Variants in ELP1 observed in about 807,000 individuals in gnomAD.
ELP1 encodes the protein elongator complex protein 1.
ELP1 carries 131 observed loss-of-function variants against 183.2 expected under a neutral mutation model. The observed-to-expected ratio is 0.72, with a 90% CI of 0.62 to 0.83. ELP1 has a LOEUF of 0.83. Among genes scored for constraint, ELP1 ranks in the 40% least tolerant of loss-of-function variants. The probability of loss-of-function intolerance (pLI) is 0.00; values close to 1 mark genes in which losing one functional copy is unlikely to be tolerated. For missense variants in ELP1, 1,550 were observed against 1,594.9 expected, an observed-to-expected ratio of 0.97 and a Z score of 0.48; for synonymous variants, 555 against 569.0, an observed-to-expected ratio of 0.98 and a Z score of 0.35.
At chr9:108,909,563 T>C (rs1314368004) in intron 12 of ELP1, among the ~76,000 whole-genome samples, 4 of 152,218 alleles carry the variant, frequency 2.6e-5, no homozygotes, top group African/African-American at 4.8e-5. Flanking sequence ...GATTCTCTTA[T>C]ATCCAAACTC....
chr9:108,888,705 A>G lies in ELP1; in HGVS notation c.3222+627T>C, dbSNP rs190396041. Among the ~76,000 whole-genome samples, 52 of 152,330 alleles carry G rather than the reference A, an allele frequency of 3.4e-4. No homozygotes were observed. In the East Asian group the frequency reaches 9.5e-3, roughly 28 times the overall value. On this transcript the variant is annotated intron_variant, in intron 29 of 36. Transcript: ENST00000374647. Reference sequence around the variant, plus strand: ...GACAATTAAATATTTTTAAAGCACAATTAAGTTACATAAATGTGCTATCAG... The same window carrying G: ...GACAATTAAATATTTTTAAAGCACAGTTAAGTTACATAAATGTGCTATCAG...
At chr9:108,872,050 G>A (rs1827477283) in intron 36 of ELP1, among the ~76,000 whole-genome samples, 1 of 152,168 alleles carries the variant, frequency 6.6e-6, no homozygotes, top group South Asian at 2.1e-4. Flanking sequence ...ACTTTTCTCT[G>A]CTTCCTGGGA....
rs371100951 is a variant in ELP1, at chr9:108,911,107, T to C, written c.1263A>G (p.Pro421=). ...PPMCTYQLLF[P]HPVNQVTFLA... ...AGAATGTGACTTGATTCACAGGGTG[T>C]GGGAACAGCAGTTGGTAGGTGCACA... Residue 421 remains proline, a synonymous_variant, in exon 12 of 37, where the codon CCA becomes CCG. Coordinates refer to ENST00000374647, the MANE Select transcript of ELP1 (RefSeq NM_003640.5). 5.0e-6 allele frequency: 8 copies of C among 1,614,066 alleles called. No homozygotes were observed. The highest frequency in any genetic ancestry group is 1.6e-4 in the Middle Eastern group (1 of 6,062).
chr9:108,912,664 T>C (rs1364496948), intron 10 of ELP1, among the ~76,000 whole-genome samples, 170 bp from the exon 11 acceptor site: 2 of 151,962 alleles, frequency 1.3e-5, no homozygotes. Flanking sequence ...TCCATGCAGA[T>C]AAAATATCAA....
intron 30 of ELP1, 75 bp downstream of exon 30, chr9:108,882,050 T>C: frequency 8.0e-7 from 1 of 1,249,172 alleles, no homozygotes; most frequent in Non-Finnish European, 1.2e-6. Context: ...GACAAGAGAT[T>C]CCAACTGACC....
chr9:108,920,837 A>AG (rs1829619138), intron 6 of ELP1, among the ~76,000 whole-genome samples: 1 of 152,208 alleles, frequency 6.6e-6, no homozygotes, highest in South Asian at 2.1e-4. Flanking sequence ...ATAGTACATT[A>AG]GATAACAGGA....
chr9:108,871,620 G>C (rs1427661401), intron 36 of ELP1, among the ~76,000 whole-genome samples: 1 of 152,126 alleles, frequency 6.6e-6, no homozygotes, highest in African/African-American at 2.4e-5. Context: ...TGGATGGCAG[G>C]AGCTGCTTTT....
chr9:108,887,385 A>G (rs1332898294), intron 29 of ELP1, among the ~76,000 whole-genome samples: 1 of 152,158 alleles, frequency 6.6e-6, no homozygotes, highest in African/African-American at 2.4e-5. Flanking sequence ...AAAAGTATTG[A>G]TTGTAAGAAA....
intron 25 of ELP1, among the ~76,000 whole-genome samples, chr9:108,894,409 A>T (rs10979595): frequency 0.086 from 13,135 of 152,236 alleles, 655 homozygotes; most frequent in East Asian, 0.16. Context: ...TGGATGCAGA[A>T]GCCGTGGACA....
chr9:108,919,569 T>TA (rs879836091), intron 6 of ELP1, among the ~76,000 whole-genome samples: 251 of 140,442 alleles, frequency 1.8e-3, no homozygotes, highest in Middle Eastern at 3.5e-3. Context: ...CTTTCGGCAT[T>TA]AAAAAAAAAA....
chr9:108,903,303 AC>A (rs1300872767), intron 15 of ELP1, among the ~76,000 whole-genome samples: 3 of 149,594 alleles, frequency 2.0e-5, no homozygotes, highest in African/African-American at 7.4e-5. Context: ...TTCAGTTCCC[AC>A]CTATGAGTGA....
intron 35 of ELP1, among the ~76,000 whole-genome samples, chr9:108,877,644 T>C (rs998463700): frequency 3.9e-5 from 6 of 152,162 alleles, no homozygotes; most frequent in African/African-American, 1.4e-4. Context: ...ATCCCATCCC[T>C]GAGTTCTGAA....
At chr9:108,922,742 G>C in intron 6 of ELP1, 100 bp downstream of exon 6, 1 of 844,852 alleles carries the variant, frequency 1.2e-6, no homozygotes, top group Non-Finnish European at 2.1e-6. Context: ...GAAGAGAACT[G>C]TTCATTACTG....
intron 3 of ELP1, among the ~76,000 whole-genome samples, chr9:108,928,287 A>G (rs773100609): frequency 3.3e-5 from 5 of 152,230 alleles, no homozygotes; most frequent in Non-Finnish European, 5.9e-5. Flanking sequence ...TTAGAAATAA[A>G]TATCTTTTTC....
intron 31 of ELP1, among the ~76,000 whole-genome samples, chr9:108,881,199 C>A (rs1451039525): frequency 1.3e-5 from 2 of 152,210 alleles, no homozygotes; most frequent in Non-Finnish European, 2.9e-5. Flanking sequence ...ATACCCTTTA[C>A]TTTGATTTAC....
intron 10 of ELP1, among the ~76,000 whole-genome samples, chr9:108,913,217 A>C (rs2132018866): frequency 6.6e-6 from 1 of 152,320 alleles, no homozygotes; most frequent in African/African-American, 2.4e-5. Context: ...CAAGATCTAG[A>C]CTAGCATCAT....
intron 4 of ELP1, 132 bp from the exon 5 acceptor site, chr9:108,926,735 T>C: frequency 2.8e-6 from 2 of 715,028 alleles, no homozygotes; most frequent in South Asian, 1.6e-5. Flanking sequence ...CCAAAATGCT[T>C]TGACTTAAAA....
In ELP1 at chr9:108,878,387, C is replaced by T. The variant is rs10435835; in HGVS notation, c.3700+236G>A. ...GTGTCCCACAATTCTTTATCCTGGC[C>T]TAAGCATCTCTCCCAGTTCAGTTAG... On this transcript the variant is annotated intron_variant, in intron 34 of 36. Coordinates refer to ENST00000374647, the MANE Select transcript of ELP1 (RefSeq NM_003640.5). Among the ~76,000 whole-genome samples the T allele has an allele frequency of 0.8, 121,196 of 152,168 alleles. 48,341 individuals are homozygous for T. The highest frequency in any genetic ancestry group is 0.81 in the Non-Finnish European group (55,160 of 67,996).
At chr9:108,911,375 G>A (rs1487254031) in intron 11 of ELP1, among the ~76,000 whole-genome samples, 195 bp from the exon 12 acceptor site, 2 of 152,164 alleles carry the variant, frequency 1.3e-5, no homozygotes, top group Non-Finnish European at 2.9e-5. Context: ...ATTGGCTATT[G>A]TCACCTCTAG....
Sources: allele counts gnomAD v4.1 joint callset (sites outside exome capture counted in the v4.1 genomes callset), GRCh38; gene constraint gnomAD v4.1.1; transcripts MANE v1.5; gene names NCBI Gene and HGNC (gene_info 2026-07-23, HGNC 2026-07-21).